PSME4: variants seen among roughly 807,000 people sequenced by gnomAD.
The protein encoded by PSME4 is proteasome activator subunit 4, also known as proteasome activator complex subunit 4.
PSME4 carries 89 observed loss-of-function variants against 253.9 expected under a neutral mutation model. That is an observed-to-expected ratio of 0.35 (90% CI 0.30 to 0.42). The LOEUF is 0.42. PSME4 is among the 10% of genes least tolerant of loss of function. PSME4 has a pLI of 1.00. For synonymous variants in PSME4, 851 were observed against 759.2 expected, an observed-to-expected ratio of 1.12 and a Z score of -1.99; for missense variants, 2,014 against 2,195.2, an observed-to-expected ratio of 0.92 and a Z score of 1.65.
intron 8 of PSME4, 77 bp downstream of exon 8, chr2:53,934,528 G>C: frequency 6.9e-7 from 1 of 1,446,096 alleles, no homozygotes; most frequent in Non-Finnish European, 9.4e-7. Flanking sequence ...ATCAACTTCT[G>C]CGACTATCCA....
At position 53,885,766 on chromosome 2, in the gene PSME4, C is replaced by T; in HGVS notation, c.4739G>A (p.Trp1580Ter). The change falls in exon 41 of 47, where the codon TGG becomes TAG. Residue 1580 changes from tryptophan to a stop codon, truncating the protein, a stop_gained. Coordinates refer to ENST00000404125, the MANE Select transcript of PSME4 (RefSeq NM_014614.3). LOFTEE classifies it high-confidence loss of function. The part of the protein sequence containing the change: ...GIKLLKTILK[W>*]LMASAGRSFS... ...GGATCTTCCTGCACTTGCCATCAGCCATTTCAATACTATTTTGAAAACAAA... is the reference window on the plus strand; with the variant it reads ...GGATCTTCCTGCACTTGCCATCAGCTATTTCAATACTATTTTGAAAACAAA... 6.2e-7 allele frequency: 1 copy of T among 1,609,832 alleles called. No individual in the cohort carries two copies. Among genetic ancestry groups the T allele is most frequent in the Admixed American group, 1.7e-5 (1 of 59,996 alleles).
chr2:53,940,867 T>TATATTTAAATATATATAATAC (rs1573338986), intron 3 of PSME4, among the ~76,000 whole-genome samples: 10 of 114,082 alleles, frequency 8.8e-5, no homozygotes, highest in Non-Finnish European at 1.3e-4. Flanking sequence ...ATATATAATA[T>TATATTTAAATATATATAATAC]ATATTTAAAT....
chr2:53,938,992 GA>G (rs1252281080), intron 4 of PSME4, among the ~76,000 whole-genome samples: 1 of 152,148 alleles, frequency 6.6e-6, no homozygotes, highest in African/African-American at 2.4e-5. Flanking sequence ...GGAGTTCTAT[GA>G]ATTACCTATG....
chr2:53,948,474 T>A lies in PSME4; in HGVS notation c.447A>T (p.Val149=). Residue 149 remains valine, a synonymous_variant, in exon 3 of 47, where the codon GTA becomes GTT. Transcript: ENST00000404125. ...ELPWRPLYDM[V]ERILYSKTEH... is the part of the protein sequence containing the mutation. ...CTGTCTTGGAATATAATATTCTTTC[T>A]ACCATGTCATAAAGTGGTCTCCAGG... 1 of 1,613,826 alleles carries A rather than the reference T, an allele frequency of 6.2e-7. No homozygotes were observed. The highest frequency in any genetic ancestry group is 2.2e-5 in the East Asian group (1 of 44,856).
Position 53,937,442 on chromosome 2 carries a change from T to G in PSME4, c.644A>C (p.Glu215Ala). The G allele has an allele frequency of 6.2e-7, 1 of 1,609,980 alleles. No individual in the cohort carries two copies. Among genetic ancestry groups the G allele is most frequent in the South Asian group, 1.1e-5 (1 of 90,550 alleles). ...VTMQKAITYF[E>A]IFLPTSLPPE... ...AGGAAGGGAGGTAGGAAGAAATATT[T>G]CAAAATAAGTGATGGCCTTTTGCAT... Residue 215 changes from glutamate to alanine, a missense_variant, in exon 5 of 47, where the codon GAA (glutamate) becomes GCA (alanine). Glu to Ala is a moderately radical substitution (Grantham distance 107, BLOSUM62 -1). This residue lies in a region of PSME4 where 615 missense variants were observed against 594.4 expected (regional missense o/e 1.03). Transcript: ENST00000404125.
At chr2:53,903,973 T>C in intron 27 of PSME4, 52 bp downstream of exon 27, 3 of 1,486,448 alleles carry the variant, frequency 2.0e-6, no homozygotes, top group Non-Finnish European at 2.8e-6. Context: ...TTTTTTCAGC[T>C]TTTCAGTATG....
chr2:53,965,622 C>A (rs564306130), intron 1 of PSME4, among the ~76,000 whole-genome samples: 4 of 150,518 alleles, frequency 2.7e-5, no homozygotes, highest in African/African-American at 9.8e-5. Flanking sequence ...TTTTAATTTG[C>A]CTGAGGAATC....
chr2:53,903,224 A>T (rs1019141366), intron 27 of PSME4, among the ~76,000 whole-genome samples: 4 of 152,094 alleles, frequency 2.6e-5, no homozygotes, highest in African/African-American at 9.7e-5. Flanking sequence ...TGGTGCTCTT[A>T]GGTCATTGGA....
At chr2:53,914,854 C>G (rs1371043770) in intron 20 of PSME4, among the ~76,000 whole-genome samples, 1 of 152,182 alleles carries the variant, frequency 6.6e-6, no homozygotes, top group African/African-American at 2.4e-5. Flanking sequence ...GCACTCCAGC[C>G]TGGGCAACGA....
intron 4 of PSME4, among the ~76,000 whole-genome samples, chr2:53,938,126 AAC>A (rs1055830000): frequency 9.2e-5 from 14 of 152,190 alleles, no homozygotes; most frequent in Non-Finnish European, 2.9e-5. Context: ...TATAAAATTA[AAC>A]AGAGTTTTTG....
chr2:53,960,750 GC>G (rs1670456876), intron 1 of PSME4, among the ~76,000 whole-genome samples: 1 of 152,184 alleles, frequency 6.6e-6, no homozygotes, highest in African/African-American at 2.4e-5. Flanking sequence ...CTTCAGTGGG[GC>G]TCTGGGTACC....
chr2:53,926,464 A>C (rs551769642), intron 12 of PSME4, among the ~76,000 whole-genome samples: 5 of 152,208 alleles, frequency 3.3e-5, no homozygotes, highest in Non-Finnish European at 7.3e-5. Context: ...ACTTGAGGTC[A>C]AGAGTTCAAG....
chr2:53,906,624 G>A lies in PSME4; in HGVS notation c.2917C>T (p.Arg973Cys), dbSNP rs764224752. Residue 973 changes from arginine (R) to cysteine (C), a missense_variant, in exon 26 of 47, where the codon CGT becomes TGT. Coordinates refer to ENST00000404125, the MANE Select transcript of PSME4 (RefSeq NM_014614.3). ...TGACTGTATGAACTTGTAGATAAAC[G>A]AAGAAGATCTCTGATCATATCTTGA... is the stretch of plus-strand genomic sequence containing the variant. The part of the protein sequence containing the change: ...IHQDMIRDLL[R>C]LSTSSYSQVR... 4.4e-6 allele frequency: 7 copies of A among 1,598,586 alleles called. No homozygotes were observed. The highest frequency in any genetic ancestry group is 3.4e-5 in the South Asian group (3 of 88,770).
At position 53,901,416 on chromosome 2, in the gene PSME4, C is replaced by T. The variant is rs1463103415; in HGVS notation, c.3219G>A (p.Val1073=). The change falls in exon 28 of 47, where the codon GTG becomes GTA. Residue 1073 remains valine, a synonymous_variant. Coordinates refer to ENST00000404125, the MANE Select transcript of PSME4 (RefSeq NM_014614.3). ...QAMSLEKPSI[V]RLFDDLAEKI... ...TTTCTGCAAGATCATCAAACAATCT[C>T]ACTATTGATGGCTTTTCCAGGGACA... 3 of 1,614,130 alleles carry T rather than the reference C, an allele frequency of 1.9e-6. No individual in the cohort carries two copies. The South Asian group carries it at 3.3e-5, about 18-fold the overall frequency.
At chr2:53,891,009 G>A (rs978042373) in intron 36 of PSME4, among the ~76,000 whole-genome samples, 3 of 151,818 alleles carry the variant, frequency 2.0e-5, no homozygotes, top group Non-Finnish European at 2.9e-5. Flanking sequence ...CCTAAGCAAC[G>A]GAGCAAGACT....
chr2:53,949,053 G>C (rs1669853492), intron 2 of PSME4, 90 bp downstream of exon 2: 1 of 1,401,174 alleles, frequency 7.1e-7, no homozygotes, highest in Admixed American at 2.7e-5. Context: ...TTTGAGACTT[G>C]GTCTTCTTAC....
chr2:53,866,107 T>C lies in PSME4; in HGVS notation c.5514A>G (p.Ser1838=), dbSNP rs757226521. ...TACCTTTCTATGCATAATAGCATGG[T>C]GACACAAGAAGATCGGTGAGAACAA... ...QLLVLTDLLV[S]PCYYA The change falls in exon 46 of 47, where the codon TCA becomes TCG. Residue 1838 remains serine (S), a synonymous_variant. Coordinates refer to ENST00000404125, the MANE Select transcript of PSME4 (RefSeq NM_014614.3). 1.9e-6 allele frequency: 3 copies of C among 1,612,996 alleles called. No homozygotes were observed. The highest frequency in any genetic ancestry group is 1.7e-6 in the Non-Finnish European group (2 of 1,179,146).
At chr2:53,940,221 A>C (rs902724317) in intron 3 of PSME4, among the ~76,000 whole-genome samples, 1 of 152,184 alleles carries the variant, frequency 6.6e-6, no homozygotes, top group Non-Finnish European at 1.5e-5. Flanking sequence ...CTCTGGTATG[A>C]ACTAAAGGGA....
intron 1 of PSME4, among the ~76,000 whole-genome samples, chr2:53,969,398 T>A (rs1670918440): frequency 6.6e-6 from 1 of 152,170 alleles, no homozygotes. Context: ...GGCCCCTTAA[T>A]AATTGGCAGA....
Sources: allele counts gnomAD v4.1 joint callset (sites outside exome capture counted in the v4.1 genomes callset), GRCh38; gene constraint gnomAD v4.1.1; regional missense constraint gnomAD v4.1.1; transcripts MANE v1.5; gene names NCBI Gene and HGNC (gene_info 2026-07-23, HGNC 2026-07-21).